Variants in UBR4 observed in about 807,000 individuals in gnomAD.
The protein encoded by UBR4 is E3 ubiquitin-protein ligase UBR4.
UBR4 carries 124 observed loss-of-function variants against 575.6 expected under a neutral mutation model. The observed-to-expected ratio is 0.22, with a 90% CI of 0.19 to 0.25. The LOEUF is 0.25. UBR4 is among the 10% of genes least tolerant of loss of function. The probability of loss-of-function intolerance (pLI) is 1.00; values close to 1 mark genes in which losing one functional copy is unlikely to be tolerated. For missense variants in UBR4, 4,818 were observed against 6,478.8 expected, an observed-to-expected ratio of 0.74 and a Z score of 8.80; for synonymous variants, 2,455 against 2,473.7, an observed-to-expected ratio of 0.99 and a Z score of 0.22.
rs986504779 is a variant in UBR4 at position 19,157,771 on chromosome 1, G to A, written c.5760+44C>T. ...TCAATTTGTTTTGCTTAGCATTTAAGACAATATGACCTAAAGTAAGCGCAC... is the reference window on the plus strand; with the variant it reads ...TCAATTTGTTTTGCTTAGCATTTAAAACAATATGACCTAAAGTAAGCGCAC... On this transcript the variant is annotated intron_variant, in intron 40 of 105. Transcript: ENST00000375254. The surrounding 1 kb of genome is among the most constrained non-coding windows in gnomAD (Gnocchi z 4.4). 6.3e-7 allele frequency: 1 copy of A among 1,593,870 alleles called. No individual in the cohort carries two copies. Among genetic ancestry groups the A allele is most frequent in the South Asian group, 1.1e-5 (1 of 89,224 alleles).
At position 19,105,204 on chromosome 1, in the gene UBR4, G is replaced by C; in HGVS notation, c.12504-15C>G. On this transcript the variant is annotated splice_polypyrimidine_tract_variant and intron_variant, in intron 84 of 105. Transcript: ENST00000375254. Reference sequence around the variant, plus strand: ...CATCCAGGTAACTGCCACCAAGAGGGACAGGGCACTCTAGTCAAGAACTCT... The same window carrying C: ...CATCCAGGTAACTGCCACCAAGAGGCACAGGGCACTCTAGTCAAGAACTCT... 2.5e-6 allele frequency: 4 copies of C among 1,608,336 alleles called. No individual in the cohort carries two copies. The highest frequency in any genetic ancestry group is 3.4e-6 in the Non-Finnish European group (4 of 1,178,016).
At chr1:19,124,724 C>T (rs1250626741) in intron 64 of UBR4, 34 bp from the exon 65 acceptor site, 7 of 1,598,782 alleles carry the variant, frequency 4.4e-6, no homozygotes, top group East Asian at 2.2e-5. Context: ...GAACCTGTGA[C>T]TATCGATTTT....
Position 19,187,304 on chromosome 1 carries a change from G to T in UBR4, c.1495-3C>A. 6.2e-7 allele frequency: 1 copy of T among 1,612,454 alleles called. No homozygotes were observed. Among genetic ancestry groups the T allele is most frequent in the South Asian group, 1.1e-5 (1 of 90,996 alleles). On this transcript the variant is annotated splice_region_variant and splice_polypyrimidine_tract_variant and intron_variant, in intron 12 of 105. Transcript: ENST00000375254. ...GGGGGGCCATCTGTCTCCCAACCCTGAAGGCAATGATATCAAAGGGCAATT... is the reference window on the plus strand; with the variant it reads ...GGGGGGCCATCTGTCTCCCAACCCTTAAGGCAATGATATCAAAGGGCAATT...
Position 19,157,758 on chromosome 1 carries a change from G to C in UBR4, c.5760+57C>G. On this transcript the variant is annotated intron_variant, in intron 40 of 105. Transcript: ENST00000375254. The surrounding 1 kb of genome is among the most constrained non-coding windows in gnomAD (Gnocchi z 4.4). Reference sequence around the variant, plus strand: ...CCGAATGTGGTCATCAATTTGTTTTGCTTAGCATTTAAGACAATATGACCT... The same window carrying C: ...CCGAATGTGGTCATCAATTTGTTTTCCTTAGCATTTAAGACAATATGACCT... 6.4e-7 allele frequency: 1 copy of C among 1,574,018 alleles called. No individual in the cohort carries two copies. The highest frequency in any genetic ancestry group is 8.7e-7 in the Non-Finnish European group (1 of 1,154,804).
intron 1 of UBR4, among the ~76,000 whole-genome samples, chr1:19,203,437 T>C (rs981622618): frequency 6.6e-6 from 1 of 151,614 alleles, no homozygotes; most frequent in African/African-American, 2.4e-5. Context: ...GCAGGTGGAA[T>C]TGCAGTGAGC....
At chr1:19,086,861 C>T (rs920795403) in intron 99 of UBR4, 40 bp from the exon 100 acceptor site, 1 of 1,608,498 alleles carries the variant, frequency 6.2e-7, no homozygotes, top group East Asian at 2.2e-5. Context: ...AGGAGAAACT[C>T]CAAGTCAGGC....
At position 19,113,972 on chromosome 1, in the gene UBR4, C is replaced by G; in HGVS notation, c.11301G>C (p.Val3767=). ...RPQLENLLCK[V]NEAAPEKPQD... is the part of the protein sequence containing the mutation. ...GTGGCTTTTCTGGAGCTGCCTCATT[C>G]ACTTTGCAGAGCAGGTTCTCCAGCT... The change falls in exon 76 of 106, where the codon GTG becomes GTC. Residue 3767 remains valine (V), a synonymous_variant. Coordinates refer to ENST00000375254, the MANE Select transcript of UBR4 (RefSeq NM_020765.3). 6.2e-7 allele frequency: 1 copy of G among 1,614,254 alleles called. No homozygotes were observed. Among genetic ancestry groups the G allele is most frequent in the Non-Finnish European group, 8.5e-7 (1 of 1,180,046 alleles).
intron 6 of UBR4, 63 bp from the exon 7 acceptor site, chr1:19,197,874 T>C: frequency 1.2e-6 from 2 of 1,612,378 alleles, no homozygotes; most frequent in Non-Finnish European, 1.7e-6. Flanking sequence ...TTCTTATCCA[T>C]ATGACAGAAG....
At chr1:19,204,459 G>C (rs975469071) in intron 1 of UBR4, among the ~76,000 whole-genome samples, 3 of 151,820 alleles carry the variant, frequency 2.0e-5, no homozygotes, top group Admixed American at 2.0e-4. Context: ...AAATCTAAGA[G>C]AAATACTGCC....
At chr1:19,155,335 G>C in intron 43 of UBR4, 106 bp downstream of exon 43, 2 of 1,220,366 alleles carry the variant, frequency 1.6e-6, no homozygotes, top group East Asian at 4.8e-5. Flanking sequence ...GATCCAGTTA[G>C]ATGAAGTCCA....
intron 102 of UBR4, among the ~76,000 whole-genome samples, chr1:19,083,719 A>C (rs1479786953): frequency 6.6e-6 from 1 of 152,184 alleles, no homozygotes; most frequent in Non-Finnish European, 1.5e-5. Flanking sequence ...TTTTTCATTA[A>C]GACAGAGTCT....
rs1486697422 is a variant in UBR4 at position 19,089,045 on chromosome 1, AAAGG to A, written c.14212-72_14212-69del. ...AGACAAACCTTCTTCCCGGGAGCTT[AAAGG>A]TTTAGAAACTCAACCAGCATGCACC... On this transcript the variant is annotated intron_variant, in intron 97 of 105. Coordinates refer to ENST00000375254, the MANE Select transcript of UBR4 (RefSeq NM_020765.3). This position sits in a 1 kb window ranked among gnomAD's most constrained non-coding sequence, Gnocchi z 4.3. 6.6e-7 allele frequency: 1 copy of A among 1,517,346 alleles called. No individual in the cohort carries two copies. The highest frequency in any genetic ancestry group is 1.4e-5 in the African/African-American group (1 of 72,612). 94.0% of individuals were successfully genotyped at this position (1,517,346 alleles called of 1,614,324 possible).
In UBR4 at chr1:19,176,578, G is replaced by A; in HGVS notation, c.2773+14C>T. 1 of 1,611,392 alleles carries A rather than the reference G, an allele frequency of 6.2e-7. No homozygotes were observed. Among genetic ancestry groups the A allele is most frequent in the Non-Finnish European group, 8.5e-7 (1 of 1,178,660 alleles). Reference sequence around the variant, plus strand: ...TCAGTAAGTCAGTTTCTTATTAACAGTCTTCTTTCTGACCTGATGAGAAAT... The same window carrying A: ...TCAGTAAGTCAGTTTCTTATTAACAATCTTCTTTCTGACCTGATGAGAAAT... On this transcript the variant is annotated intron_variant, in intron 20 of 105. Transcript: ENST00000375254.
chr1:19,141,463 T>C lies in UBR4; in HGVS notation c.8372A>G (p.Glu2791Gly). 1 of 1,614,080 alleles carries C rather than the reference T, an allele frequency of 6.2e-7. No homozygotes were observed. Among genetic ancestry groups the C allele is most frequent in the Non-Finnish European group, 8.5e-7 (1 of 1,179,958 alleles). Residue 2791 changes from glutamate (E) to glycine (G), a missense_variant, in exon 57 of 106, where the codon GAG becomes GGG. By Grantham distance (98) the Glu-to-Gly change is moderately conservative. Around this residue, in one of 29 missense-constraint regions of UBR4, gnomAD observed 129 missense variants for 198.4 expected, o/e 0.65. Coordinates refer to ENST00000375254, the MANE Select transcript of UBR4 (RefSeq NM_020765.3). Reference sequence around the variant, plus strand: ...GCCCTCTGCGCCTGCCAGCAGGGCCTCCAGGGGAGAGGGGTTGCCATTGTT... The same window carrying C: ...GCCCTCTGCGCCTGCCAGCAGGGCCCCCAGGGGAGAGGGGTTGCCATTGTT... ...NVNNGNPSPL[E>G]ALLAGAEGFP...
chr1:19,159,979 A>G (rs1275964186), intron 39 of UBR4, 132 bp downstream of exon 39: 1 of 1,170,936 alleles, frequency 8.5e-7, no homozygotes, highest in Non-Finnish European at 1.2e-6. Flanking sequence ...ATGATGTCTT[A>G]GATTCTAAGT....
At chr1:19,188,216 T>C (rs550151587) in intron 11 of UBR4, among the ~76,000 whole-genome samples, 21 of 152,242 alleles carry the variant, frequency 1.4e-4, no homozygotes, top group Non-Finnish European at 2.4e-4. Context: ...GAAAAAGGTT[T>C]GAATTACCAA....
rs201924998 is a variant in UBR4 at position 19,187,211 on chromosome 1, G to C, written c.1585C>G (p.Pro529Ala). 6.2e-7 allele frequency: 1 copy of C among 1,613,734 alleles called. No individual in the cohort carries two copies. The stretch of plus-strand genomic sequence containing the variant: ...AACGTCAAGAGCAGGTTCATCAGTG[G>C]GACAGAGTCAATCAGCCGTTGAATC... Reference protein sequence around the residue: ...QRIQRLIDSVPLMNLLLTLLS... With the variant: ...QRIQRLIDSVALMNLLLTLLS... The change falls in exon 13 of 106, where the codon CCA (proline) becomes GCA (alanine). Residue 529 changes from proline to alanine, a missense_variant. Physicochemically the swap from Pro to Ala is conservative, Grantham distance 27 (BLOSUM62 -1). Coordinates refer to ENST00000375254, the MANE Select transcript of UBR4 (RefSeq NM_020765.3).
intron 105 of UBR4, among the ~76,000 whole-genome samples, chr1:19,076,089 C>T (rs192772838): frequency 2.6e-4 from 40 of 152,196 alleles, no homozygotes; most frequent in Non-Finnish European, 4.9e-4. Flanking sequence ...GTCACCTCCC[C>T]CTGCTGTCAC....
At position 19,168,013 on chromosome 1, in the gene UBR4, T is replaced by C. The variant is rs746143641; in HGVS notation, c.3899+14A>G. 1.2e-6 allele frequency: 2 copies of C among 1,604,138 alleles called. No homozygotes were observed. The highest frequency in any genetic ancestry group is 8.5e-7 in the Non-Finnish European group (1 of 1,173,194). On this transcript the variant is annotated intron_variant, in intron 28 of 105. Coordinates refer to ENST00000375254, the MANE Select transcript of UBR4 (RefSeq NM_020765.3). ...CAGACATAGAGTCCTTGGGGCTAGG[T>C]AGTAGGTACTTACACAATAAGATCT...
Sources: gnomAD v4.1 joint callset for allele counts (sites outside exome capture counted in the v4.1 genomes callset) on GRCh38, gnomAD v4.1.1 for gene constraint, gnomAD v4.1.1 regional missense constraint, Gnocchi (gnomAD v3.1) non-coding constraint, MANE v1.5 for transcripts, NCBI Gene and HGNC (gene_info 2026-07-23, HGNC 2026-07-21) for gene names.